FGFR2: variants seen among roughly 807,000 people sequenced by gnomAD.
FGFR2 encodes the protein fibroblast growth factor receptor 2, also known as BEK fibroblast growth factor receptor.
Under a neutral mutation model 95.9 loss-of-function variants are expected in FGFR2, and 19 were observed. The observed-to-expected ratio is 0.20, with a 90% confidence interval of 0.14 to 0.29. The LOEUF (loss-of-function observed/expected upper bound fraction) is 0.29, where lower values mean the gene tolerates loss of function less well. Among genes scored for constraint, FGFR2 ranks in the 10% least tolerant of loss-of-function variants. The pLI is 1.00. For missense variants in FGFR2, 707 were observed against 1,056.9 expected (o/e 0.67, Z 4.59); for synonymous variants, 392 against 393.3 (o/e 1.00, Z 0.04).
rs3135757 is a variant in FGFR2 at position 121,518,536 on chromosome 10, C to T, written c.940-1073G>A. ...ATGGCTACTGGCATCATACCAGCTGCATCACCGAAGAAAGATTATTATAAA... is the reference window on the plus strand; with the variant it reads ...ATGGCTACTGGCATCATACCAGCTGTATCACCGAAGAAAGATTATTATAAA... On this transcript the variant is annotated intron_variant, in intron 7 of 17. Coordinates refer to ENST00000358487, the MANE Select transcript of FGFR2 (RefSeq NM_000141.5). The surrounding 1 kb of genome is among the most constrained non-coding windows in gnomAD (Gnocchi z 4.0). The T allele has an allele frequency of 3.5e-6, 3 of 858,634 alleles. No individual in the cohort carries two copies. The African/African-American group carries it at 5.1e-5, about 15-fold the overall frequency. The allele number at this position is 858,634 out of a possible 1,614,324, so 53.2% of individuals were successfully genotyped here.
At chr10:121,581,933 AT>A (rs1554861668) in intron 2 of FGFR2, among the ~76,000 whole-genome samples, 1,199 of 113,158 alleles carry the variant, frequency 0.011, 4 homozygotes, top group Non-Finnish European at 0.014. Flanking sequence ...ATTTATTTTG[AT>A]TTTTTTTTTT....
intron 13 of FGFR2, among the ~76,000 whole-genome samples, chr10:121,489,669 A>G (rs1212888077): frequency 3.3e-5 from 5 of 151,858 alleles, no homozygotes; most frequent in Non-Finnish European, 7.4e-5. Flanking sequence ...CAAGGTTTCA[A>G]CTCCTCCAAT....
At chr10:121,508,151 C>T (rs1455908405) in intron 9 of FGFR2, among the ~76,000 whole-genome samples, 1 of 152,120 alleles carries the variant, frequency 6.6e-6, no homozygotes, top group Non-Finnish European at 1.5e-5. Context: ...AGAACCAATC[C>T]CCAACGCATA....
At chr10:121,583,278 A>G (rs1362968910) in intron 2 of FGFR2, 1 of 152,270 alleles carries the variant, frequency 6.6e-6, no homozygotes, top group Non-Finnish European at 1.5e-5. Context: ...ACCCAGTCGT[A>G]AATCAGAAAT....
intron 4 of FGFR2, among the ~76,000 whole-genome samples, chr10:121,559,539 C>T (rs1227274747): frequency 3.3e-5 from 5 of 152,226 alleles, no homozygotes; most frequent in Non-Finnish European, 7.3e-5. Flanking sequence ...AAGTAGCCAG[C>T]TAAGAACCGC....
chr10:121,529,387 G>A (rs1851805897), intron 6 of FGFR2, among the ~76,000 whole-genome samples: 1 of 152,216 alleles, frequency 6.6e-6, no homozygotes, highest in Non-Finnish European at 1.5e-5. Flanking sequence ...TGGGATTTCA[G>A]GCGTGAGCCA....
chr10:121,583,299 AAAGCTTGACATAATATCCAAGTGGC>A (rs1488806469), intron 2 of FGFR2: 1 of 152,258 alleles, frequency 6.6e-6, no homozygotes, highest in Admixed American at 6.5e-5. Context: ...TCTGGGAAGA[AAAGCTTGACATAATATCCAAGTGGC>A]AACAGCTGAG....
At chr10:121,496,925 G>C (rs193291185) in intron 12 of FGFR2, among the ~76,000 whole-genome samples, 1 of 151,272 alleles carries the variant, frequency 6.6e-6, no homozygotes, top group East Asian at 1.9e-4. Context: ...GAGGCCAGGA[G>C]TTCAAGACCA....
chr10:121,576,129 G>GT (rs1405107510), intron 2 of FGFR2, among the ~76,000 whole-genome samples: 4 of 152,178 alleles, frequency 2.6e-5, no homozygotes, highest in African/African-American at 9.7e-5. Context: ...GGAGGTTGCC[G>GT]TGAGCCGAGA....
chr10:121,491,743 G>A (rs539558750), intron 13 of FGFR2, among the ~76,000 whole-genome samples: 6 of 152,164 alleles, frequency 3.9e-5, no homozygotes, highest in Non-Finnish European at 7.4e-5. Flanking sequence ...GGTGGCAAGC[G>A]CCTGTAGTCC....
rs2133945425 is a variant in FGFR2 at position 121,496,719 on chromosome 10, G to C, written c.1676C>G (p.Pro559Arg). Reference protein sequence around the residue: ...NLLGACTQDGPLYVIVEYASK... With the variant: ...NLLGACTQDGRLYVIVEYASK... The stretch of plus-strand genomic sequence containing the variant: ...GGCATACTCAACTATGACATAGAGA[G>C]GCCCTGTTGAGGAAGAAGAGAAGCT... The change falls in exon 13 of 18, where the codon CCT (proline) becomes CGT (arginine). Residue 559 changes from proline to arginine, a missense_variant. Around this residue, in one of 7 missense-constraint regions of FGFR2, gnomAD observed 194 missense variants for 267.3 expected, o/e 0.73. Coordinates refer to ENST00000358487, the MANE Select transcript of FGFR2 (RefSeq NM_000141.5). 2 of 1,611,946 alleles carry C rather than the reference G, an allele frequency of 1.2e-6. No homozygotes were observed. Among genetic ancestry groups the C allele is most frequent in the Non-Finnish European group, 1.7e-6 (2 of 1,179,968 alleles).
chr10:121,524,146 A>ACACACACACACCCC (rs142755962), intron 6 of FGFR2, among the ~76,000 whole-genome samples: 21 of 136,964 alleles, frequency 1.5e-4, no homozygotes, highest in Admixed American at 3.6e-4. Flanking sequence ...ACACACACAC[A>ACACACACACACCCC]CCCCAAGTTT....
chr10:121,502,153 C>A (rs1847678696), intron 10 of FGFR2, among the ~76,000 whole-genome samples: 1 of 152,164 alleles, frequency 6.6e-6, no homozygotes, highest in African/African-American at 2.4e-5. Context: ...CCGAAAGCTG[C>A]AATTTCTTAA....
At position 121,485,247 on chromosome 10, in the gene FGFR2, G is replaced by A. The variant is rs1397617380; in HGVS notation, c.2195+148C>T. ...GTTGTCGGTGTCGCTATGTATCCCA[G>A]CTCTGGATTGAGCCCAGAGAGCTTC... On this transcript the variant is annotated intron_variant, in intron 16 of 17. Coordinates refer to ENST00000358487, the MANE Select transcript of FGFR2 (RefSeq NM_000141.5). This position sits in a 1 kb window ranked among gnomAD's most constrained non-coding sequence, Gnocchi z 4.2. 4 of 1,029,412 alleles carry A rather than the reference G, an allele frequency of 3.9e-6. No homozygotes were observed. Among genetic ancestry groups the A allele is most frequent in the Non-Finnish European group, 4.6e-6 (3 of 658,170 alleles). The allele number at this position is 1,029,412 out of a possible 1,614,324, so 63.8% of individuals were successfully genotyped here.
intron 5 of FGFR2, among the ~76,000 whole-genome samples, chr10:121,547,825 C>T (rs758471906): frequency 5.9e-5 from 9 of 152,260 alleles, no homozygotes; most frequent in Non-Finnish European, 8.8e-5. Flanking sequence ...AAACGCAGGC[C>T]ATAGCCAGCC....
Position 121,517,223 on chromosome 10 carries a change from TA to T in FGFR2, c.1084+95del. 7.4e-7 allele frequency: 1 copy of T among 1,353,452 alleles called. No individual in the cohort carries two copies. Among genetic ancestry groups the T allele is most frequent in the Non-Finnish European group, 1.1e-6 (1 of 945,562 alleles). The allele number at this position is 1,353,452 out of a possible 1,614,324, so 83.8% of individuals were successfully genotyped here. On this transcript the variant is annotated intron_variant, in intron 8 of 17. Transcript: ENST00000358487. The surrounding 1 kb of genome is among the most constrained non-coding windows in gnomAD (Gnocchi z 4.7). ...CATTTTTTATATCTTTATGCAAGGATAAAAGGGGCCATTTCTGATAACAGAA... is the reference window on the plus strand; with the variant it reads ...CATTTTTTATATCTTTATGCAAGGATAAAGGGGCCATTTCTGATAACAGAA...
At chr10:121,564,258 G>A in intron 4 of FGFR2, 1 of 563,020 alleles carries the variant, frequency 1.8e-6, no homozygotes, top group South Asian at 2.0e-5. Context: ...GGAAAGAAAA[G>A]TAGTAACTGC....
intron 8 of FGFR2, among the ~76,000 whole-genome samples, chr10:121,515,987 T>TAA (rs928559321): frequency 5.9e-5 from 9 of 151,980 alleles, no homozygotes; most frequent in Non-Finnish European, 1.2e-4. Flanking sequence ...AATAACCTTT[T>TAA]AAGTTTATAC....
In FGFR2 at chr10:121,524,146, A is replaced by ACACACACACC. The variant is rs142755962; in HGVS notation, c.749-3978_749-3977insGGTGTGTGTG. ...CACACACACACACACACACACACACACCCCAAGTTTGCAATGGTTTAATGT... is the reference window on the plus strand; with the variant it reads ...CACACACACACACACACACACACACACACACACACCCCCCAAGTTTGCAATGGTTTAATGT... On this transcript the variant is annotated intron_variant, in intron 6 of 17. Coordinates refer to ENST00000358487, the MANE Select transcript of FGFR2 (RefSeq NM_000141.5). Among the ~76,000 whole-genome samples, 173 of 136,900 alleles carry ACACACACACC rather than the reference A, an allele frequency of 1.3e-3. 1 individual carries two copies. Among genetic ancestry groups the ACACACACACC allele is most frequent in the Non-Finnish European group, 1.8e-3 (119 of 64,572 alleles). The allele number at this position is 136,900 out of a possible 152,430, so 89.8% of individuals were successfully genotyped here. A position where few individuals can be genotyped will look rare whatever the true frequency, so the allele number is the denominator to read the frequency against.
Sources: gnomAD v4.1 joint callset for allele counts (sites outside exome capture counted in the v4.1 genomes callset) on GRCh38, gnomAD v4.1.1 for gene constraint, gnomAD v4.1.1 regional missense constraint, Gnocchi (gnomAD v3.1) non-coding constraint, MANE v1.5 for transcripts, NCBI Gene and HGNC (gene_info 2026-07-23, HGNC 2026-07-21) for gene names.